Variants in UPF2 observed in about 807,000 individuals in gnomAD.
UPF2 encodes UPF2 regulator of nonsense mediated mRNA decay.
Under a neutral mutation model 141.4 loss-of-function variants are expected in UPF2, and 17 were observed. The observed-to-expected ratio is 0.12, with a 90% CI of 0.08 to 0.18. The LOEUF is 0.18. Among genes scored for constraint, UPF2 ranks in the 10% least tolerant of loss-of-function variants. The probability of loss-of-function intolerance (pLI) is 1.00; values close to 1 mark genes in which losing one functional copy is unlikely to be tolerated. For synonymous variants in UPF2, 540 were observed against 498.0 expected, an observed-to-expected ratio of 1.08 and a Z score of -1.12; for missense variants, 1,152 against 1,515.9, an observed-to-expected ratio of 0.76 and a Z score of 3.99.
intron 5 of UPF2, among the ~76,000 whole-genome samples, chr10:12,003,377 G>A (rs749401175): frequency 6.6e-5 from 10 of 152,168 alleles, no homozygotes; most frequent in Non-Finnish European, 4.4e-5. Flanking sequence ...ATATGCATAA[G>A]GTAGTCAAAT....
chr10:11,929,798 T>C, intron 21 of UPF2, 67 bp downstream of exon 21: 1 of 1,555,078 alleles, frequency 6.4e-7, no homozygotes, highest in East Asian at 2.3e-5. Context: ...TAATCCAGAA[T>C]TCCCTAATTT....
intron 3 of UPF2, among the ~76,000 whole-genome samples, chr10:12,022,090 G>T (rs1338973907): frequency 6.6e-6 from 1 of 151,338 alleles, no homozygotes. Context: ...CAGTGAGCCA[G>T]GATCGCGCCA....
intron 3 of UPF2, among the ~76,000 whole-genome samples, chr10:12,023,552 TG>T (rs1372657169): frequency 1.4e-5 from 2 of 145,900 alleles, no homozygotes; most frequent in Non-Finnish European, 3.0e-5. Flanking sequence ...TAGCCAGGCG[TG>T]GTGGTGCATG....
At position 11,929,912 on chromosome 10, in the gene UPF2, A is replaced by G. The variant is rs1832761843; in HGVS notation, c.3762T>C (p.His1254=). Residue 1254 remains histidine, a synonymous_variant, in exon 21 of 22, where the codon CAT becomes CAC. Coordinates refer to ENST00000357604, the MANE Select transcript of UPF2 (RefSeq NM_015542.4). ...GATCTGCATTAGGTGCTCCCTTCGG[A>G]TGTTGGTAGCGAGGCCGCCTCTCAC... is the stretch of plus-strand genomic sequence containing the variant. ...TNRERRPRYQ[H]PKGAPNADLI... 6.2e-7 allele frequency: 1 copy of G among 1,614,070 alleles called. No homozygotes were observed. The highest frequency in any genetic ancestry group is 1.7e-5 in the Admixed American group (1 of 60,004).
Position 12,014,048 on chromosome 10 carries a change from G to A in UPF2, c.1282C>T (p.Pro428Ser). ...DLLDENMPDL[P>S]QDKPTPEEHG... ...CCTTCTGGTGTTGGTTTGTCTTGAG[G>A]AAGATCTGGCATATTTTCATCCAAA... Residue 428 changes from proline to serine, a missense_variant, in exon 4 of 22, where the codon CCT becomes TCT. Around this residue, in one of 4 missense-constraint regions of UPF2, gnomAD observed 739 missense variants for 1,032.2 expected, o/e 0.72. Transcript: ENST00000357604. The surrounding 1 kb of genome is among the most constrained non-coding windows in gnomAD (Gnocchi z 5.0). The A allele has an allele frequency of 6.3e-7, 1 of 1,579,008 alleles. No homozygotes were observed. The highest frequency in any genetic ancestry group is 8.6e-7 in the Non-Finnish European group (1 of 1,162,124).
At chr10:11,995,363 T>C (rs143343346) in intron 8 of UPF2, among the ~76,000 whole-genome samples, 10 of 152,340 alleles carry the variant, frequency 6.6e-5, no homozygotes, top group African/African-American at 2.4e-4. Flanking sequence ...AGAAAGGGCA[T>C]TACATATCTT....
intron 9 of UPF2, among the ~76,000 whole-genome samples, chr10:11,973,928 T>A (rs1461037978): frequency 1.3e-5 from 2 of 152,174 alleles, no homozygotes; most frequent in African/African-American, 2.4e-5. Context: ...GAAGAAAGTC[T>A]TTGGTAGTTT....
chr10:12,015,728 A>G (rs1005609975), intron 3 of UPF2, among the ~76,000 whole-genome samples: 5 of 152,132 alleles, frequency 3.3e-5, no homozygotes, highest in African/African-American at 1.2e-4. Flanking sequence ...AATAAATACT[A>G]TAACAATTCA....
chr10:11,938,862 T>TTG lies in UPF2; in HGVS notation c.3379-2151_3379-2150insCA, dbSNP rs1554774691. 3.2e-3 allele frequency among the ~76,000 whole-genome samples: 253 copies of TTG among 79,846 alleles called. 2 individuals carry two copies. In the East Asian group the frequency reaches 0.061, roughly 19 times the overall value. 52.4% of individuals were successfully genotyped at this position (79,846 alleles called of 152,430 possible). ...AGCAAGTTTTTTTTTTGTTTTTTTT[T>TTG]TTTTTTTTTTTTTTTTTTTTGGAGA... On this transcript the variant is annotated intron_variant, in intron 18 of 21. Coordinates refer to ENST00000357604, the MANE Select transcript of UPF2 (RefSeq NM_015542.4).
At chr10:12,037,656 G>A (rs1296982088) in intron 1 of UPF2, among the ~76,000 whole-genome samples, 1 of 151,856 alleles carries the variant, frequency 6.6e-6, no homozygotes, top group African/African-American at 2.4e-5. Flanking sequence ...GCCTCCCAAA[G>A]TGCAGGATTA....
chr10:12,041,620 G>C (rs1834735603), intron 1 of UPF2, among the ~76,000 whole-genome samples: 1 of 152,184 alleles, frequency 6.6e-6, no homozygotes, highest in African/African-American at 2.4e-5. Context: ...AAACACTCCA[G>C]TATGAGAGAA....
At position 11,997,745 on chromosome 10, in the gene UPF2, A is replaced by T. The variant is rs1346634985; in HGVS notation, c.1771T>A (p.Phe591Ile). Reference protein sequence around the residue: ...RDLIDKAAMDFCMNMNTKANR... With the variant: ...RDLIDKAAMDICMNMNTKANR... ...GCTTTTGTGTTCATGTTCATGCAAAAATCCATTGCTGCCTATTGGGAAAAA... is the reference window on the plus strand; with the variant it reads ...GCTTTTGTGTTCATGTTCATGCAAATATCCATTGCTGCCTATTGGGAAAAA... The change falls in exon 8 of 22, where the codon TTT becomes ATT. Residue 591 changes from phenylalanine (F) to isoleucine (I), a missense_variant. Transcript: ENST00000357604. 6.2e-7 allele frequency: 1 copy of T among 1,613,840 alleles called. No individual in the cohort carries two copies. The highest frequency in any genetic ancestry group is 1.7e-5 in the Admixed American group (1 of 60,022).
rs1338766211 is a variant in UPF2 at position 11,990,547 on chromosome 10, G to A, written c.1844+7125C>T. On this transcript the variant is annotated intron_variant, in intron 8 of 21. Transcript: ENST00000357604. ...TACAAAAAATTAGCCGGGCGTGGTG[G>A]CAGGTGCCTGTAGTCCCAGCTACTC... Among the ~76,000 whole-genome samples the A allele has an allele frequency of 3.9e-5, 6 of 152,006 alleles. No individual in the cohort carries two copies. In the East Asian group the frequency reaches 1.2e-3, roughly 29 times the overall value.
chr10:11,943,816 C>T (rs1400608105), intron 16 of UPF2, among the ~76,000 whole-genome samples: 1 of 151,930 alleles, frequency 6.6e-6, no homozygotes, highest in African/African-American at 2.4e-5. Flanking sequence ...CTACTTCACC[C>T]CATCCTCACA....
chr10:11,997,682 G>A lies in UPF2; in HGVS notation c.1834C>T (p.Pro612Ser). Residue 612 changes from proline (P) to serine (S), a missense_variant, in exon 8 of 22, where the codon CCT (proline) becomes TCT (serine). By Grantham distance (74) the Pro-to-Ser change is moderately conservative (BLOSUM62 -1). This residue lies in a region of UPF2 where 739 missense variants were observed against 1,032.2 expected (regional missense o/e 0.72). Transcript: ENST00000357604. Reference protein sequence around the residue: ...KKLVRALFIVPRQRLDLLPFY... With the variant: ...KKLVRALFIVSRQRLDLLPFY... ...TTTCATAACACTTACCTTTGTCTAG[G>A]AACTATGAAGAGTGCCCGTACCAAC... 6.2e-7 allele frequency: 1 copy of A among 1,613,602 alleles called. No homozygotes were observed. The highest frequency in any genetic ancestry group is 8.5e-7 in the Non-Finnish European group (1 of 1,179,752).
chr10:11,976,280 G>A (rs1282255129), intron 9 of UPF2, among the ~76,000 whole-genome samples: 6 of 152,120 alleles, frequency 3.9e-5, no homozygotes, highest in African/African-American at 7.2e-5. Flanking sequence ...AGACAGAGAC[G>A]GGAAAAGCTC....
At chr10:12,018,138 T>C (rs1834256295) in intron 3 of UPF2, among the ~76,000 whole-genome samples, 1 of 152,284 alleles carries the variant, frequency 6.6e-6, no homozygotes, top group East Asian at 1.9e-4. Context: ...CTCATTATAG[T>C]GCCTGAACAT....
chr10:11,965,762 A>G (rs1192641766), intron 10 of UPF2, among the ~76,000 whole-genome samples: 2 of 152,118 alleles, frequency 1.3e-5, no homozygotes, highest in African/African-American at 4.8e-5. Flanking sequence ...TCCGGCCTCT[A>G]TTAGTATTTT....
At position 11,948,353 on chromosome 10, in the gene UPF2, A is replaced by G; in HGVS notation, c.3174+16T>C. On this transcript the variant is annotated intron_variant, in intron 16 of 21. Transcript: ENST00000357604. ...ATACAAATGTACTCTATGTTGCTAC[A>G]TATAAAAGTCATCACCTCTTCTTCT... 6.4e-7 allele frequency: 1 copy of G among 1,562,690 alleles called. No individual in the cohort carries two copies. The highest frequency in any genetic ancestry group is 1.2e-5 in the South Asian group (1 of 85,924).
Sources: gnomAD v4.1 joint callset for allele counts (sites outside exome capture counted in the v4.1 genomes callset) on GRCh38, gnomAD v4.1.1 for gene constraint, gnomAD v4.1.1 regional missense constraint, Gnocchi (gnomAD v3.1) non-coding constraint, MANE v1.5 for transcripts, NCBI Gene and HGNC (gene_info 2026-07-23, HGNC 2026-07-21) for gene names.